Variants in TOX3 observed in about 807,000 individuals in gnomAD.
TOX3 encodes TOX high mobility group box family member 3, also known as CAG trinucleotide repeat-containing gene F9 protein.
Under a neutral mutation model 64.3 loss-of-function variants are expected in TOX3, and 22 were observed. The ratio of observed to expected loss-of-function variants is 0.34; its 90% CI spans 0.24 to 0.49. The LOEUF (loss-of-function observed/expected upper bound fraction) is 0.49, where lower values mean the gene tolerates loss of function less well. TOX3 is among the 20% of genes least tolerant of loss of function. The pLI is 0.99. For synonymous variants in TOX3, 291 were observed against 273.6 expected, an observed-to-expected ratio of 1.06 and a Z score of -0.63; for missense variants, 661 against 714.4, an observed-to-expected ratio of 0.93 and a Z score of 0.85.
chr16:52,513,871 A>C (rs974575309), intron 1 of TOX3, among the ~76,000 whole-genome samples: 6 of 152,248 alleles, frequency 3.9e-5, no homozygotes, highest in African/African-American at 1.4e-4. Context: ...AAGAAATAAT[A>C]ATGGGAGGCC....
chr16:52,535,027 T>C (rs1022451420), intron 1 of TOX3, among the ~76,000 whole-genome samples: 2 of 152,146 alleles, frequency 1.3e-5, no homozygotes, highest in African/African-American at 4.8e-5. Context: ...CCTGAAAAGA[T>C]ATAAATCTTA....
intron 1 of TOX3, among the ~76,000 whole-genome samples, chr16:52,499,142 T>C (rs1961935115): frequency 1.3e-5 from 2 of 152,136 alleles, no homozygotes; most frequent in African/African-American, 4.8e-5. Context: ...ACTAATATGA[T>C]TCACAAGACC....
At position 52,454,739 on chromosome 16, in the gene TOX3, G is replaced by A. The variant is rs562237129; in HGVS notation, c.409-4193C>T. On this transcript the variant is annotated intron_variant, in intron 3 of 6. Transcript: ENST00000219746. ...TTACTGAGCCCCTACTATGTATCAGGCCAGAGAAGGCAATATATCAAACCT... is the reference window on the plus strand; with the variant it reads ...TTACTGAGCCCCTACTATGTATCAGACCAGAGAAGGCAATATATCAAACCT... Among the ~76,000 whole-genome samples the A allele has an allele frequency of 6.2e-4, 94 of 152,226 alleles. 1 individual carries two copies. The highest frequency in any genetic ancestry group is 2.0e-3 in the Admixed American group (31 of 15,292).
chr16:52,527,510 T>C (rs1376285999), intron 1 of TOX3, among the ~76,000 whole-genome samples: 2 of 152,164 alleles, frequency 1.3e-5, no homozygotes, highest in African/African-American at 2.4e-5. Context: ...TCACACAGCT[T>C]TATAAGTTTG....
intron 1 of TOX3, among the ~76,000 whole-genome samples, chr16:52,520,003 A>G (rs1462295235): frequency 6.6e-6 from 1 of 151,582 alleles, no homozygotes; most frequent in African/African-American, 2.4e-5. Context: ...GAAGAAGAAG[A>G]AGGAGAAGAA....
intron 1 of TOX3, among the ~76,000 whole-genome samples, chr16:52,506,677 G>A (rs2151468381): frequency 6.6e-6 from 1 of 152,212 alleles, no homozygotes; most frequent in South Asian, 2.1e-4. Flanking sequence ...CTACAGGAAG[G>A]GTGCAGATAA....
At chr16:52,537,588 C>G (rs1007553415) in intron 1 of TOX3, among the ~76,000 whole-genome samples, 1 of 152,146 alleles carries the variant, frequency 6.6e-6, no homozygotes, top group Non-Finnish European at 1.5e-5. Flanking sequence ...CCCACATTCT[C>G]TCATTGTGAC....
chr16:52,540,118 C>G (rs965996218), intron 1 of TOX3, among the ~76,000 whole-genome samples: 2 of 152,054 alleles, frequency 1.3e-5, no homozygotes, highest in African/African-American at 4.8e-5. Context: ...GTGGTTCACA[C>G]CTGTAATCTC....
chr16:52,541,318 C>A (rs1205045358), intron 1 of TOX3, among the ~76,000 whole-genome samples: 1 of 152,142 alleles, frequency 6.6e-6, no homozygotes, highest in Non-Finnish European at 1.5e-5. Context: ...CGGGTTTGAG[C>A]ATCATTTGTT....
At chr16:52,463,164 A>C (rs2151755140) in intron 3 of TOX3, among the ~76,000 whole-genome samples, 1 of 152,322 alleles carries the variant, frequency 6.6e-6, no homozygotes, top group Non-Finnish European at 1.5e-5. Context: ...AAGCTCTATA[A>C]ACTATTAATC....
intron 1 of TOX3, among the ~76,000 whole-genome samples, chr16:52,516,677 T>C (rs915705818): frequency 1.3e-5 from 2 of 152,222 alleles, no homozygotes; most frequent in Non-Finnish European, 2.9e-5. Flanking sequence ...TATGTACTTA[T>C]TGGTTTAACT....
chr16:52,478,652 G>A (rs1961286310), intron 1 of TOX3, among the ~76,000 whole-genome samples: 1 of 152,200 alleles, frequency 6.6e-6, no homozygotes, highest in Non-Finnish European at 1.5e-5. Flanking sequence ...TCTGTTGAAT[G>A]CATAAGTGAA....
In TOX3 at chr16:52,439,325, A is replaced by T; in HGVS notation, c.1631T>A (p.Ile544Asn). The change falls in exon 7 of 7, where the codon ATC (isoleucine) becomes AAC (asparagine). Residue 544 changes from isoleucine (I) to asparagine (N), a missense_variant. This residue lies in a region of TOX3 where 299 missense variants were observed against 292.1 expected (regional missense o/e 1.02). Coordinates refer to ENST00000219746, the MANE Select transcript of TOX3 (RefSeq NM_001080430.4). Reference protein sequence around the residue: ...SPVASQITSPIPAIGSPQPAS... With the variant: ...SPVASQITSPNPAIGSPQPAS... ...TGGCTGGGGGCTCCCGATGGCAGGGATGGGGGATGTTATCTGAGAGGCGAC... is the reference window on the plus strand; with the variant it reads ...TGGCTGGGGGCTCCCGATGGCAGGGTTGGGGGATGTTATCTGAGAGGCGAC... The T allele has an allele frequency of 6.2e-7, 1 of 1,613,126 alleles. No homozygotes were observed. Among genetic ancestry groups the T allele is most frequent in the Non-Finnish European group, 8.5e-7 (1 of 1,179,538 alleles).
intron 1 of TOX3, among the ~76,000 whole-genome samples, chr16:52,521,110 T>A (rs907623078): frequency 2.0e-5 from 3 of 152,134 alleles, no homozygotes; most frequent in African/African-American, 7.2e-5. Context: ...CTCTCTCTCT[T>A]CCCCTATAAT....
intron 1 of TOX3, among the ~76,000 whole-genome samples, chr16:52,528,063 A>G (rs961857616): frequency 6.6e-6 from 1 of 152,198 alleles, no homozygotes; most frequent in Non-Finnish European, 1.5e-5. Context: ...TATACATTAA[A>G]TAAAGAACAG....
intron 4 of TOX3, among the ~76,000 whole-genome samples, chr16:52,449,395 G>C (rs988576601): frequency 3.3e-5 from 5 of 152,014 alleles, no homozygotes; most frequent in Non-Finnish European, 7.4e-5. Context: ...TCTGTCTTCT[G>C]CCTCACAAAC....
chr16:52,477,909 C>A (rs72807635), intron 1 of TOX3, among the ~76,000 whole-genome samples: 1 of 151,998 alleles, frequency 6.6e-6, no homozygotes, highest in African/African-American at 2.4e-5. Flanking sequence ...GCTACCATAG[C>A]TCACTGTGGC....
At chr16:52,456,532 G>A (rs1960522030) in intron 3 of TOX3, among the ~76,000 whole-genome samples, 1 of 152,152 alleles carries the variant, frequency 6.6e-6, no homozygotes, top group Admixed American at 6.5e-5. Context: ...GTGCCTGGCG[G>A]AGGCTCGCCT....
intron 1 of TOX3, among the ~76,000 whole-genome samples, chr16:52,478,999 G>A (rs1961295615): frequency 6.6e-6 from 1 of 152,130 alleles, no homozygotes; most frequent in Non-Finnish European, 1.5e-5. Flanking sequence ...AGATACAATG[G>A]TAAATATTAG....
Sources: allele counts gnomAD v4.1 joint callset (sites outside exome capture counted in the v4.1 genomes callset), GRCh38; gene constraint gnomAD v4.1.1; regional missense constraint gnomAD v4.1.1; transcripts MANE v1.5; gene names NCBI Gene and HGNC (gene_info 2026-07-23, HGNC 2026-07-21).